The following COL24A1 variants were observed in gnomAD, a reference collection of about 807,000 sequenced individuals.
COL24A1 encodes the protein collagen alpha-1(XXIV) chain.
In COL24A1, 224 loss-of-function variants were observed where a neutral mutation model predicts 253.9. The observed-to-expected ratio is 0.88, with a 90% CI of 0.79 to 0.99. The LOEUF (loss-of-function observed/expected upper bound fraction) is 0.99. Ranked by LOEUF, COL24A1 falls within the 50% of genes least tolerant of loss-of-function variation. The pLI, the probability that COL24A1 is intolerant of heterozygous loss-of-function variation, is 0.00. For synonymous variants in COL24A1, 685 were observed against 673.7 expected, an observed-to-expected ratio of 1.02 and a Z score of -0.26; for missense variants, 2,131 against 2,068.5, an observed-to-expected ratio of 1.03 and a Z score of -0.59.
intron 28 of COL24A1, among the ~76,000 whole-genome samples, chr1:85,897,818 T>C (rs545056977): frequency 3.9e-5 from 6 of 152,130 alleles, no homozygotes; most frequent in Non-Finnish European, 8.8e-5. Context: ...TTCTCTACTA[T>C]ACAAATATAC....
chr1:85,933,106 GAAA>G (rs1687933447), intron 24 of COL24A1, among the ~76,000 whole-genome samples: 1 of 60,950 alleles, frequency 1.6e-5, no homozygotes, highest in Non-Finnish European at 3.7e-5. Flanking sequence ...AAAAAAGAAA[GAAA>G]GAAAAAAAAA....
chr1:86,109,897 C>T (rs1705372216), intron 5 of COL24A1, among the ~76,000 whole-genome samples: 1 of 152,134 alleles, frequency 6.6e-6, no homozygotes, highest in African/African-American at 2.4e-5. Context: ...AAAGAGACCC[C>T]AGAGACATAG....
chr1:85,830,717 A>G (rs899874667), intron 43 of COL24A1, among the ~76,000 whole-genome samples: 8 of 152,128 alleles, frequency 5.3e-5, no homozygotes, highest in Non-Finnish European at 8.8e-5. Flanking sequence ...TTCTTTGACT[A>G]GGAAAGGGAA....
At chr1:86,091,836 A>G (rs1434314056) in intron 6 of COL24A1, among the ~76,000 whole-genome samples, 1 of 152,120 alleles carries the variant, frequency 6.6e-6, no homozygotes, top group East Asian at 1.9e-4. Flanking sequence ...GATAGTGGTG[A>G]CCGCTTCTCT....
At chr1:85,900,605 C>T (rs1211337105) in intron 28 of COL24A1, among the ~76,000 whole-genome samples, 1 of 152,064 alleles carries the variant, frequency 6.6e-6, no homozygotes, top group African/African-American at 2.4e-5. Context: ...CGTCACTGCA[C>T]TCCAGCCTGG....
intron 7 of COL24A1, among the ~76,000 whole-genome samples, chr1:86,071,683 G>C (rs1284424255): frequency 6.6e-6 from 1 of 152,170 alleles, no homozygotes; most frequent in African/African-American, 2.4e-5. Flanking sequence ...GGTCAATTCA[G>C]TGAGAGGATA....
Position 85,734,912 on chromosome 1 carries a change from G to A in COL24A1, c.4835C>T (p.Ser1612Leu), listed in dbSNP as rs773684520. The stretch of plus-strand genomic sequence containing the variant: ...AATGGTGATGATATGGGTGGCTTCC[G>A]AACTCAGTAAATGAAGGAAGTTCAT... ...VQMNFLHLLS[S>L]EATHIITIHC... Residue 1612 changes from serine to leucine, a missense_variant, in exon 59 of 60, where the codon TCG becomes TTG. By Grantham distance (145) the Ser-to-Leu change is moderately radical. Transcript: ENST00000370571. 39 of 1,614,034 alleles carry A rather than the reference G, an allele frequency of 2.4e-5. No individual in the cohort carries two copies. Among genetic ancestry groups the A allele is most frequent in the Non-Finnish European group, 3.1e-5 (37 of 1,180,026 alleles).
intron 19 of COL24A1, among the ~76,000 whole-genome samples, chr1:85,996,195 G>A (rs184142964): frequency 4.0e-4 from 61 of 152,184 alleles, no homozygotes; most frequent in African/African-American, 1.3e-3. Context: ...GTAATAATTC[G>A]AAGATCTTTT....
intron 24 of COL24A1, among the ~76,000 whole-genome samples, chr1:85,941,132 T>C (rs1330138700): frequency 1.3e-5 from 2 of 152,212 alleles, no homozygotes; most frequent in South Asian, 2.1e-4. Flanking sequence ...AAGACTCTAA[T>C]AACTAGCAGG....
intron 20 of COL24A1, among the ~76,000 whole-genome samples, chr1:85,983,075 A>G (rs1693403793): frequency 1.3e-5 from 2 of 152,026 alleles, no homozygotes; most frequent in Admixed American, 6.6e-5. Flanking sequence ...ATTACACAAC[A>G]TAATCCCACA....
rs188111551 is a variant in COL24A1, at chr1:85,816,227, A to G, written c.3951+561T>C. ...CACATATTATAGACATGGATTTGCT[A>G]TTCTACCAAAAGTTCTTCTGGTAGT... On this transcript the variant is annotated intron_variant, in intron 47 of 59. Coordinates refer to ENST00000370571, the MANE Select transcript of COL24A1 (RefSeq NM_152890.7). 2.5e-3 allele frequency among the ~76,000 whole-genome samples: 376 copies of G among 152,362 alleles called. 3 individuals are homozygous for G. The highest frequency in any genetic ancestry group is 8.0e-3 in the African/African-American group (334 of 41,584).
At chr1:85,857,448 C>T (rs1308738143) in intron 37 of COL24A1, among the ~76,000 whole-genome samples, 1 of 128,756 alleles carries the variant, frequency 7.8e-6, no homozygotes, top group Non-Finnish European at 1.6e-5. Context: ...AGCAAGGGAA[C>T]CCTCTTCTCC....
At chr1:86,065,677 C>A (rs1490940275) in intron 7 of COL24A1, among the ~76,000 whole-genome samples, 1 of 150,746 alleles carries the variant, frequency 6.6e-6, no homozygotes, top group Non-Finnish European at 1.5e-5. Flanking sequence ...TTCCTGTAGT[C>A]CAGCTACTCA....
At chr1:85,851,305 C>A (rs1040987673) in intron 37 of COL24A1, among the ~76,000 whole-genome samples, 1 of 151,912 alleles carries the variant, frequency 6.6e-6, no homozygotes, top group Non-Finnish European at 1.5e-5. Context: ...TAAAAAAATG[C>A]TACAGGATTC....
At position 86,033,874 on chromosome 1, in the gene COL24A1, C is replaced by T. The variant is rs963691905; in HGVS notation, c.2000G>A (p.Ser667Asn). The T allele has an allele frequency of 6.2e-7, 1 of 1,603,628 alleles. No individual in the cohort carries two copies. Among genetic ancestry groups the T allele is most frequent in the African/African-American group, 1.3e-5 (1 of 74,416 alleles). Residue 667 changes from serine (S) to asparagine (N), a missense_variant, in exon 13 of 60, where the codon AGT becomes AAT. Ser to Asn is a conservative substitution (Grantham distance 46, BLOSUM62 1). Transcript: ENST00000370571. The part of the protein sequence containing the change: ...GDRGPAGLDG[S>N]PGLVGGTGPP... ...GAACCAACATAATGTACTCACAGGA[C>T]TGCCATCAAGACCAGCAGGGCCTCT...
intron 10 of COL24A1, among the ~76,000 whole-genome samples, chr1:86,050,797 T>A (rs1371809861): frequency 1.3e-5 from 2 of 152,148 alleles, no homozygotes; most frequent in Non-Finnish European, 2.9e-5. Flanking sequence ...AAGATTCCAA[T>A]CTGATCTGAG....
At chr1:85,748,540 C>T (rs1032631595) in intron 55 of COL24A1, among the ~76,000 whole-genome samples, 6 of 151,876 alleles carry the variant, frequency 4.0e-5, no homozygotes, top group Non-Finnish European at 7.4e-5. Context: ...CCAAGATGGC[C>T]GAATAGGAAC....
intron 57 of COL24A1, among the ~76,000 whole-genome samples, chr1:85,743,344 C>T (rs548740347): frequency 6.6e-6 from 1 of 152,208 alleles, no homozygotes; most frequent in East Asian, 1.9e-4. Flanking sequence ...ATTCTTTGTG[C>T]CTGGAAAGCT....
chr1:85,985,639 T>TG (rs1693662596), intron 20 of COL24A1, among the ~76,000 whole-genome samples: 1 of 151,320 alleles, frequency 6.6e-6, no homozygotes, highest in Non-Finnish European at 1.5e-5. Context: ...AAATAAAGGG[T>TG]GCCTAACTAC....
Sources: allele counts gnomAD v4.1 joint callset (sites outside exome capture counted in the v4.1 genomes callset), GRCh38; gene constraint gnomAD v4.1.1; transcripts MANE v1.5; gene names NCBI Gene and HGNC (gene_info 2026-07-23, HGNC 2026-07-21).